The following DIP2C variants were observed in gnomAD, a reference collection of about 807,000 sequenced individuals.
DIP2C encodes DIP2 acetate--CoA ligase C (putative), also known as disco-interacting protein 2 homolog C.
A neutral mutation model predicts 192.4 loss-of-function variants in DIP2C; 33 were observed. That is an observed-to-expected ratio of 0.17 (90% CI 0.13 to 0.23). DIP2C has a LOEUF of 0.23. DIP2C is among the 10% of genes least tolerant of loss of function. The pLI, the probability that DIP2C is intolerant of heterozygous loss-of-function variation, is 1.00. For missense variants in DIP2C, 1,537 were observed against 2,110.1 expected, an observed-to-expected ratio of 0.73 and a Z score of 5.32; for synonymous variants, 979 against 864.1, an observed-to-expected ratio of 1.13 and a Z score of -2.33.
intron 1 of DIP2C, among the ~76,000 whole-genome samples, chr10:522,224 T>C (rs778407313): frequency 5.3e-5 from 8 of 152,232 alleles, no homozygotes; most frequent in Non-Finnish European, 8.8e-5. Flanking sequence ...GCAACATGCA[T>C]TTAAGATCCT....
At position 389,983 on chromosome 10, in the gene DIP2C, C is replaced by G; in HGVS notation, c.1597+8G>C. 6.2e-7 allele frequency: 1 copy of G among 1,609,504 alleles called. No individual in the cohort carries two copies. The highest frequency in any genetic ancestry group is 8.5e-7 in the Non-Finnish European group (1 of 1,177,596). On this transcript the variant is annotated splice_region_variant and intron_variant, in intron 13 of 36. Transcript: ENST00000280886. The stretch of plus-strand genomic sequence containing the variant: ...AGGGTCCCAAGGAGTCAGGGTCTGG[C>G]ACCCCACCTTCCGTGTAGCCACACG...
At chr10:564,204 G>T (rs1386516327) in intron 1 of DIP2C, among the ~76,000 whole-genome samples, 1 of 152,108 alleles carries the variant, frequency 6.6e-6, no homozygotes, top group East Asian at 1.9e-4. Flanking sequence ...GCCCTCGGGG[G>T]AGAACGTTCC....
chr10:405,777 G>T (rs1176644803), intron 9 of DIP2C, among the ~76,000 whole-genome samples: 1 of 152,168 alleles, frequency 6.6e-6, no homozygotes, highest in East Asian at 1.9e-4. Flanking sequence ...CAACTCTTCA[G>T]GGGAGCAAAG....
At chr10:646,171 C>T (rs1464375939) in intron 1 of DIP2C, among the ~76,000 whole-genome samples, 7 of 152,156 alleles carry the variant, frequency 4.6e-5, no homozygotes, top group Non-Finnish European at 8.8e-5. Context: ...ACTCTCCACC[C>T]AGCCCCAGCA....
chr10:344,894 G>A lies in DIP2C; in HGVS notation c.3368C>T (p.Ala1123Val). The A allele has an allele frequency of 6.2e-7, 1 of 1,607,426 alleles. No homozygotes were observed. The change falls in exon 28 of 37, where the codon GCC (alanine) becomes GTC (valine). Residue 1123 changes from alanine (A) to valine (V), a missense_variant. Around this residue, in one of 4 missense-constraint regions of DIP2C, gnomAD observed 46 missense variants for 28.9 expected, o/e 1.59. Transcript: ENST00000280886. ...TGGGTTGCAAGGTTTGCAGATCTGG[G>A]CAGGCCGCTTCTTTGGCAAATCATC... ...DTDDLPKKRP[A>V]QICKPCNPDT...
intron 4 of DIP2C, among the ~76,000 whole-genome samples, chr10:440,212 G>C (rs543836020): frequency 3.9e-5 from 6 of 152,308 alleles, no homozygotes; most frequent in Admixed American, 3.9e-4. Flanking sequence ...AAATATAAAT[G>C]GGCTATTACC....
chr10:285,742 G>A (rs1006614456), intron 34 of DIP2C, among the ~76,000 whole-genome samples: 3 of 152,256 alleles, frequency 2.0e-5, no homozygotes, highest in African/African-American at 7.2e-5. Context: ...CGCCAGTGCG[G>A]AGGGGCACAG....
intron 31 of DIP2C, among the ~76,000 whole-genome samples, chr10:313,941 C>T (rs1475100963): frequency 6.6e-6 from 1 of 152,148 alleles, no homozygotes; most frequent in Non-Finnish European, 1.5e-5. Context: ...ATTAGCACAA[C>T]CTGGTACTTG....
chr10:274,944 TAA>T lies in DIP2C; in HGVS notation c.*2379_*2380del, dbSNP rs953784405. 6.6e-6 allele frequency: 1 copy of T among 152,220 alleles called. No individual in the cohort carries two copies. The highest frequency in any genetic ancestry group is 2.4e-5 in the African/African-American group (1 of 41,452). 9.4% of individuals were successfully genotyped at this position (152,220 alleles called of 1,614,324 possible). On this transcript the variant is annotated 3_prime_UTR_variant, in exon 37 of 37. Coordinates refer to ENST00000280886, the MANE Select transcript of DIP2C (RefSeq NM_014974.3). ...TCTTTATTGCTGAAACTGGTGGTAC[TAA>T]GTGTCTCCTTTCCTTTCTCTTGCAC... is the stretch of plus-strand genomic sequence containing the variant.
intron 8 of DIP2C, among the ~76,000 whole-genome samples, chr10:410,130 G>A (rs113724515): frequency 3.1e-4 from 47 of 152,296 alleles, no homozygotes; most frequent in African/African-American, 1.1e-3. Context: ...ATATCAGAAT[G>A]AGAGTTCCTT....
At chr10:279,822 ATT>A (rs2132125263) in intron 36 of DIP2C, among the ~76,000 whole-genome samples, 1 of 152,358 alleles carries the variant, frequency 6.6e-6, no homozygotes, top group East Asian at 1.9e-4. Flanking sequence ...CAGCAGCGAC[ATT>A]TGTTACAGAA....
intron 6 of DIP2C, among the ~76,000 whole-genome samples, 195 bp from the exon 7 acceptor site, chr10:416,083 A>G (rs956474597): frequency 3.3e-5 from 5 of 151,538 alleles, no homozygotes; most frequent in African/African-American, 4.9e-5. Context: ...ACAGAGATAC[A>G]TCGGACCCGA....
At chr10:459,350 T>C (rs373708568) in intron 3 of DIP2C, among the ~76,000 whole-genome samples, 56 of 131,994 alleles carry the variant, frequency 4.2e-4, no homozygotes, top group African/African-American at 1.4e-3. Flanking sequence ...CCCTGGGCTC[T>C]GTTGGAAGCT....
chr10:626,798 G>A (rs981939514), intron 1 of DIP2C, among the ~76,000 whole-genome samples: 16 of 152,178 alleles, frequency 1.1e-4, no homozygotes, highest in African/African-American at 2.4e-4. Context: ...CCACGGTCAC[G>A]CCGATCGTCA....
Position 651,226 on chromosome 10 carries a change from A to G in DIP2C, c.85+38268T>C, listed in dbSNP as rs1432413776. ...CAGACCCTGTCCTCACCTGCATCAC[A>G]CCAATGATGGCGTCACAGCGTGGGT... On this transcript the variant is annotated intron_variant, in intron 1 of 36. Coordinates refer to ENST00000280886, the MANE Select transcript of DIP2C (RefSeq NM_014974.3). The surrounding 1 kb of genome is among the most constrained non-coding windows in gnomAD (Gnocchi z 4.1). 1.4e-5 allele frequency: 10 copies of G among 716,746 alleles called. No individual in the cohort carries two copies. The highest frequency in any genetic ancestry group is 2.3e-5 in the Non-Finnish European group (9 of 385,098). The allele number at this position is 716,746 out of a possible 1,614,324, so 44.4% of individuals were successfully genotyped here. A position where few individuals can be genotyped will look rare whatever the true frequency, so the allele number is the denominator to read the frequency against.
chr10:645,731 G>A (rs1433387130), intron 1 of DIP2C, among the ~76,000 whole-genome samples: 1 of 152,248 alleles, frequency 6.6e-6, no homozygotes, highest in African/African-American at 2.4e-5. Flanking sequence ...AAAACAGAAG[G>A]AAGTGCATGA....
chr10:595,889 A>G (rs1051223140), intron 1 of DIP2C, among the ~76,000 whole-genome samples: 8 of 152,254 alleles, frequency 5.3e-5, no homozygotes, highest in East Asian at 1.9e-4. Flanking sequence ...CGTTCTTGAT[A>G]AAGGGATGGT....
At chr10:549,091 T>C (rs1028214350) in intron 1 of DIP2C, among the ~76,000 whole-genome samples, 62 of 152,276 alleles carry the variant, frequency 4.1e-4, no homozygotes, top group African/African-American at 1.2e-3. Context: ...ACTTTCTACT[T>C]GACAGAAAAC....
At chr10:462,403 C>A (rs1019568600) in intron 3 of DIP2C, among the ~76,000 whole-genome samples, 5 of 152,174 alleles carry the variant, frequency 3.3e-5, no homozygotes, top group African/African-American at 1.2e-4. Flanking sequence ...CATCTCTATG[C>A]AAATAAACTA....
Sources: gnomAD v4.1 joint callset for allele counts (sites outside exome capture counted in the v4.1 genomes callset) on GRCh38, gnomAD v4.1.1 for gene constraint, gnomAD v4.1.1 regional missense constraint, Gnocchi (gnomAD v3.1) non-coding constraint, MANE v1.5 for transcripts, NCBI Gene and HGNC (gene_info 2026-07-23, HGNC 2026-07-21) for gene names.